PITPNA: variants seen among roughly 807,000 people sequenced by gnomAD.
PITPNA encodes phosphatidylinositol transfer protein alpha.
Under a neutral mutation model 50.3 loss-of-function variants are expected in PITPNA, and 13 were observed. That is an observed-to-expected ratio of 0.26 (90% CI 0.17 to 0.41). The LOEUF is 0.41. Ranked by LOEUF, PITPNA falls within the 10% of genes least tolerant of loss-of-function variation. PITPNA has a pLI of 1.00. For missense variants in PITPNA, 207 were observed against 333.4 expected (o/e 0.62, Z 2.95); for synonymous variants, 120 against 119.6 (o/e 1.00, Z -0.02).
intron 3 of PITPNA, among the ~76,000 whole-genome samples, chr17:1,550,946 G>A (rs1334879082): frequency 1.3e-5 from 2 of 152,224 alleles, no homozygotes; most frequent in South Asian, 4.1e-4. Flanking sequence ...GGACATGTTG[G>A]AGACGCTGAG....
At chr17:1,523,600 C>G (rs572448083) in intron 10 of PITPNA, among the ~76,000 whole-genome samples, 2 of 150,606 alleles carry the variant, frequency 1.3e-5, no homozygotes, top group African/African-American at 4.9e-5. Flanking sequence ...CTCTGCCTCC[C>G]GGGTTCAAGC....
At chr17:1,540,113 A>G (rs2075640785) in intron 6 of PITPNA, among the ~76,000 whole-genome samples, 1 of 152,212 alleles carries the variant, frequency 6.6e-6, no homozygotes, top group South Asian at 2.1e-4. Context: ...TGCCCACACC[A>G]TTTCCATGTG....
intron 4 of PITPNA, among the ~76,000 whole-genome samples, chr17:1,545,566 CCT>C (rs761178031): frequency 6.6e-6 from 1 of 152,214 alleles, no homozygotes; most frequent in Non-Finnish European, 1.5e-5. Context: ...TCCCCTACTC[CCT>C]GTCTCCATGA....
chr17:1,534,029 G>A (rs1007042480), intron 10 of PITPNA, 70 bp downstream of exon 10: 12 of 1,571,428 alleles, frequency 7.6e-6, no homozygotes, highest in South Asian at 3.3e-5. Flanking sequence ...TCGGTGAAGC[G>A]CCCCAGCAAA....
At chr17:1,558,031 G>A (rs2075745962) in intron 2 of PITPNA, among the ~76,000 whole-genome samples, 1 of 152,156 alleles carries the variant, frequency 6.6e-6, no homozygotes, top group Admixed American at 6.5e-5. Context: ...GGGAGTTTGA[G>A]ACCAGCCTGG....
intron 3 of PITPNA, among the ~76,000 whole-genome samples, chr17:1,551,839 C>A (rs1031621054): frequency 6.6e-6 from 1 of 152,120 alleles, no homozygotes; most frequent in Non-Finnish European, 1.5e-5. Context: ...TCTCCTCGCA[C>A]CCCGGCACTG....
intron 2 of PITPNA, among the ~76,000 whole-genome samples, chr17:1,557,658 C>A (rs1343761844): frequency 3.3e-5 from 5 of 152,178 alleles, no homozygotes; most frequent in Admixed American, 1.3e-4. Context: ...GCCTATGAAC[C>A]TTCTTACAGC....
intron 10 of PITPNA, among the ~76,000 whole-genome samples, chr17:1,528,590 TAGTC>T (rs2075561368): frequency 6.6e-6 from 1 of 151,978 alleles, no homozygotes; most frequent in East Asian, 1.9e-4. Context: ...CTAAAAAAAT[TAGTC>T]AGGTGTAGTG....
At chr17:1,538,780 C>A (rs577908939) in intron 7 of PITPNA, 89 bp downstream of exon 7, 19 of 738,184 alleles carry the variant, frequency 2.6e-5, no homozygotes, top group Non-Finnish European at 4.5e-5. Flanking sequence ...TCCTTTTGTG[C>A]CAAGTTGGGT....
chr17:1,555,493 C>G (rs1034261870), intron 2 of PITPNA, among the ~76,000 whole-genome samples: 1 of 152,108 alleles, frequency 6.6e-6, no homozygotes, highest in Non-Finnish European at 1.5e-5. Context: ...ATCATTAAAT[C>G]AGATTTAAAA....
chr17:1,535,523 G>C lies in PITPNA; in HGVS notation c.457-5C>G. On this transcript the variant is annotated splice_polypyrimidine_tract_variant and splice_region_variant and intron_variant, in intron 7 of 11. Coordinates refer to ENST00000313486, the MANE Select transcript of PITPNA (RefSeq NM_006224.4). The stretch of plus-strand genomic sequence containing the variant: ...GTCTTCCTCTGCCTTGTAATCCTGA[G>C]AGAAATTGTGGAATTGGGGTTGGAG... 2 of 1,605,640 alleles carry C rather than the reference G, an allele frequency of 1.2e-6. No homozygotes were observed.
chr17:1,547,013 A>C (rs2075678299), intron 4 of PITPNA, among the ~76,000 whole-genome samples: 2 of 152,174 alleles, frequency 1.3e-5, no homozygotes, highest in Admixed American at 6.5e-5. Flanking sequence ...AAACAAAACA[A>C]AACACCAGAC....
At chr17:1,548,198 G>A in intron 4 of PITPNA, 98 bp downstream of exon 4, 2 of 742,708 alleles carry the variant, frequency 2.7e-6, no homozygotes, top group Non-Finnish European at 4.5e-6. Flanking sequence ...AAGGGACCCA[G>A]CCCGAGCCTT....
chr17:1,558,656 G>T (rs1394186860), intron 1 of PITPNA, 97 bp from the exon 2 acceptor site: 1 of 848,406 alleles, frequency 1.2e-6, no homozygotes, highest in Non-Finnish European at 2.0e-6. Context: ...GCATTCTATT[G>T]TGTAAGACAC....
intron 10 of PITPNA, 44 bp from the exon 11 acceptor site, chr17:1,521,689 A>G: frequency 6.5e-7 from 1 of 1,542,798 alleles, no homozygotes; most frequent in Non-Finnish European, 9.0e-7. Flanking sequence ...CCTGCTGCTG[A>G]TGGAACTCCT....
At position 1,556,982 on chromosome 17, in the gene PITPNA, G is replaced by A. The variant is rs9899038; in HGVS notation, c.51+1547C>T. On this transcript the variant is annotated intron_variant, in intron 2 of 11. Transcript: ENST00000313486. ...AAAAAATAAAGACAGCATGGCCAAA[G>A]CAGGTGGGTTAACAAGACCCTTCCA... 9.1e-3 allele frequency among the ~76,000 whole-genome samples: 1,384 copies of A among 152,180 alleles called. 20 individuals are homozygous for A. Among genetic ancestry groups the A allele is most frequent in the African/African-American group, 0.032 (1,337 of 41,502 alleles).
At position 1,557,838 on chromosome 17, in the gene PITPNA, T is replaced by A. The variant is rs569832536; in HGVS notation, c.51+691A>T. On this transcript the variant is annotated intron_variant, in intron 2 of 11. Coordinates refer to ENST00000313486, the MANE Select transcript of PITPNA (RefSeq NM_006224.4). The stretch of plus-strand genomic sequence containing the variant: ...GTGGCTAGGGAGAGCCTCAAGAGAT[T>A]TCCTGCCCTGCTGGTTTGTTGCACA... Among the ~76,000 whole-genome samples the A allele has an allele frequency of 2.0e-5, 3 of 152,304 alleles. No homozygotes were observed. In the East Asian group the frequency reaches 5.8e-4, roughly 29 times the overall value.
At chr17:1,521,769 G>A in intron 10 of PITPNA, 124 bp from the exon 11 acceptor site, 2 of 748,410 alleles carry the variant, frequency 2.7e-6, no homozygotes, top group Non-Finnish European at 4.8e-6. Flanking sequence ...TGGAAGGACG[G>A]AAGAATTCTG....
intron 10 of PITPNA, 21 bp downstream of exon 10, chr17:1,534,078 G>A: frequency 2.5e-6 from 4 of 1,612,954 alleles, no homozygotes; most frequent in Non-Finnish European, 3.4e-6. Context: ...CTAATTGAGA[G>A]CCCCCAGAGC....
Sources: allele counts gnomAD v4.1 joint callset (sites outside exome capture counted in the v4.1 genomes callset), GRCh38; gene constraint gnomAD v4.1.1; transcripts MANE v1.5; gene names NCBI Gene and HGNC (gene_info 2026-07-23, HGNC 2026-07-21).